GRM1: variants seen among roughly 807,000 people sequenced by gnomAD.
The protein encoded by GRM1 is glutamate metabotropic receptor 1, also known as metabotropic glutamate receptor 1.
GRM1 carries 33 observed loss-of-function variants against 90.9 expected under a neutral mutation model. The ratio of observed to expected loss-of-function variants is 0.36; its 90% CI spans 0.28 to 0.49. GRM1 has a LOEUF of 0.49. Among genes scored for constraint, GRM1 ranks in the 20% least tolerant of loss-of-function variants. The pLI is 0.99. For missense variants in GRM1, 1,190 were observed against 1,534.3 expected (o/e 0.78, Z 3.75); for synonymous variants, 700 against 613.2 (o/e 1.14, Z -2.09).
intron 1 of GRM1, among the ~76,000 whole-genome samples, chr6:146,104,255 A>G (rs1321926450): frequency 6.6e-6 from 1 of 152,164 alleles, no homozygotes. Context: ...CCTGGCTAAC[A>G]CGGTGAAACC....
intron 2 of GRM1, among the ~76,000 whole-genome samples, chr6:146,215,005 T>C (rs1255400527): frequency 6.6e-6 from 1 of 152,196 alleles, no homozygotes; most frequent in Non-Finnish European, 1.5e-5. Flanking sequence ...AACCCAGAAA[T>C]ACACCTTATA....
chr6:146,224,123 C>T (rs973055734), intron 2 of GRM1, among the ~76,000 whole-genome samples: 1 of 152,028 alleles, frequency 6.6e-6, no homozygotes, highest in Non-Finnish European at 1.5e-5. Flanking sequence ...AAAATTCAAC[C>T]ACTGTATTAC....
intron 2 of GRM1, among the ~76,000 whole-genome samples, chr6:146,264,370 G>A (rs1781801742): frequency 6.6e-6 from 1 of 151,886 alleles, no homozygotes; most frequent in African/African-American, 2.4e-5. Flanking sequence ...TTTAATAAAA[G>A]GTTTAGCCCA....
chr6:146,417,995 T>C (rs1777848177), intron 7 of GRM1, among the ~76,000 whole-genome samples: 1 of 152,120 alleles, frequency 6.6e-6, no homozygotes, highest in Non-Finnish European at 1.5e-5. Flanking sequence ...GCTTTCTCAT[T>C]AGAAAAGATG....
At chr6:146,356,452 A>G (rs1448248797) in intron 4 of GRM1, among the ~76,000 whole-genome samples, 1 of 152,056 alleles carries the variant, frequency 6.6e-6, no homozygotes, top group African/African-American at 2.4e-5. Flanking sequence ...GGCTGCTTTT[A>G]CTAATCTCAT....
chr6:146,394,507 G>T (rs1342375744), intron 6 of GRM1, among the ~76,000 whole-genome samples: 5 of 152,114 alleles, frequency 3.3e-5, no homozygotes, highest in Admixed American at 3.3e-4. Flanking sequence ...TGGGTCAGCA[G>T]TTAACTTCCA....
intron 2 of GRM1, among the ~76,000 whole-genome samples, chr6:146,198,541 A>G (rs536701012): frequency 1.3e-5 from 2 of 152,318 alleles, no homozygotes; most frequent in Admixed American, 6.5e-5. Flanking sequence ...GTTAGTAACA[A>G]TTGTACACTC....
chr6:146,403,424 C>T (rs1181642700), intron 7 of GRM1, among the ~76,000 whole-genome samples: 1 of 152,094 alleles, frequency 6.6e-6, no homozygotes, highest in African/African-American at 2.4e-5. Flanking sequence ...CCTTTCCTCC[C>T]TAAAGGCATC....
intron 5 of GRM1, among the ~76,000 whole-genome samples, chr6:146,361,651 A>G (rs1775477546): frequency 6.6e-6 from 1 of 152,196 alleles, no homozygotes; most frequent in Admixed American, 6.5e-5. Context: ...GACCCTTTTA[A>G]AGCAGGTATT....
At chr6:146,145,593 T>C (rs2128885688) in intron 1 of GRM1, among the ~76,000 whole-genome samples, 1 of 152,268 alleles carries the variant, frequency 6.6e-6, no homozygotes, top group South Asian at 2.1e-4. Flanking sequence ...TGCAGGCTTG[T>C]AGAAAGCAAG....
At chr6:146,343,658 T>TTTATTA (rs58070198) in intron 3 of GRM1, among the ~76,000 whole-genome samples, 2,303 of 148,434 alleles carry the variant, frequency 0.016, 42 homozygotes, top group East Asian at 0.044. Context: ...GTTGTTTTTA[T>TTTATTA]TTATTATTAT....
At chr6:146,297,464 A>C (rs1783217330) in intron 2 of GRM1, among the ~76,000 whole-genome samples, 1 of 152,124 alleles carries the variant, frequency 6.6e-6, no homozygotes, top group Middle Eastern at 3.2e-3. Context: ...CCAGCCAAAA[A>C]GTCCAAACAA....
At chr6:146,043,794 T>TATATATAG (rs1791209971) in intron 1 of GRM1, among the ~76,000 whole-genome samples, 1 of 136,844 alleles carries the variant, frequency 7.3e-6, no homozygotes, top group South Asian at 2.4e-4. Context: ...TATATATATA[T>TATATATAG]ATATATATAT....
intron 1 of GRM1, among the ~76,000 whole-genome samples, chr6:146,145,658 C>T (rs1444001265): frequency 6.6e-6 from 1 of 152,172 alleles, no homozygotes; most frequent in Non-Finnish European, 1.5e-5. Context: ...CATGGAAAGG[C>T]AGGAGTTAAG....
At chr6:146,115,217 TGCATACA>T (rs1775696897) in intron 1 of GRM1, among the ~76,000 whole-genome samples, 1 of 132,458 alleles carries the variant, frequency 7.5e-6, no homozygotes, top group Non-Finnish European at 1.6e-5. Context: ...GAGGATTAAA[TGCATACA>T]CACACACACA....
At chr6:146,328,876 C>T (rs976398483) in intron 3 of GRM1, among the ~76,000 whole-genome samples, 1 of 152,152 alleles carries the variant, frequency 6.6e-6, no homozygotes, top group Non-Finnish European at 1.5e-5. Flanking sequence ...GGAGAAAAGA[C>T]CCCATGACCC....
chr6:146,159,825 G>A (rs548826426), intron 2 of GRM1: 34 of 495,012 alleles, frequency 6.9e-5, no homozygotes, highest in East Asian at 4.9e-4. Flanking sequence ...TCAGGAGGGA[G>A]GATTGGTTAA....
At chr6:146,269,154 G>A (rs1782022493) in intron 2 of GRM1, among the ~76,000 whole-genome samples, 1 of 152,130 alleles carries the variant, frequency 6.6e-6, no homozygotes, top group Non-Finnish European at 1.5e-5. Context: ...AGCAAACCAG[G>A]TGACATGAGT....
Position 146,198,276 on chromosome 6 carries a change from T to C in GRM1, c.950+38679T>C, listed in dbSNP as rs564478136. On this transcript the variant is annotated intron_variant, in intron 2 of 7. Transcript: ENST00000282753. The stretch of plus-strand genomic sequence containing the variant: ...TGGCGGAGTCTATGGTAGTCTATAG[T>C]CATTGTCCAGGTTCCATCTGGTTTC... Among the ~76,000 whole-genome samples, 5 of 152,322 alleles carry C rather than the reference T, an allele frequency of 3.3e-5. No homozygotes were observed. In the East Asian group the frequency reaches 9.6e-4, roughly 29 times the overall value.
Sources: allele counts gnomAD v4.1 joint callset (sites outside exome capture counted in the v4.1 genomes callset), GRCh38; gene constraint gnomAD v4.1.1; transcripts MANE v1.5; gene names NCBI Gene and HGNC (gene_info 2026-07-23, HGNC 2026-07-21).